Variants in ROBO1 observed in about 807,000 individuals in gnomAD.
ROBO1 encodes roundabout homolog 1.
Under a neutral mutation model 195.9 loss-of-function variants are expected in ROBO1, and 149 were observed. The ratio of observed to expected loss-of-function variants is 0.76; its 90% CI spans 0.67 to 0.87. ROBO1 has a LOEUF of 0.87. Among genes scored for constraint, ROBO1 ranks in the 40% least tolerant of loss-of-function variants. The pLI is 0.00. For missense variants in ROBO1, 1,933 were observed against 2,068.3 expected, an observed-to-expected ratio of 0.93 and a Z score of 1.27; for synonymous variants, 816 against 733.2, an observed-to-expected ratio of 1.11 and a Z score of -1.82.
At chr3:78,727,588 G>A (rs1229723709) in intron 5 of ROBO1, among the ~76,000 whole-genome samples, 1 of 152,176 alleles carries the variant, frequency 6.6e-6, no homozygotes, top group East Asian at 1.9e-4. Flanking sequence ...TCGAACCACT[G>A]TACTCCAGCC....
intron 11 of ROBO1, among the ~76,000 whole-genome samples, chr3:78,669,732 G>A (rs1424201777): frequency 6.6e-6 from 1 of 152,040 alleles, no homozygotes; most frequent in Non-Finnish European, 1.5e-5. Context: ...TAAATATATT[G>A]CACATAAAAT....
chr3:79,466,398 C>T (rs1937960320), intron 2 of ROBO1, among the ~76,000 whole-genome samples: 1 of 152,098 alleles, frequency 6.6e-6, no homozygotes, highest in South Asian at 2.1e-4. Flanking sequence ...ACAAATAGCA[C>T]CTACGAAGCC....
intron 3 of ROBO1, among the ~76,000 whole-genome samples, chr3:78,996,176 G>C (rs2077360380): frequency 6.6e-6 from 1 of 151,586 alleles, no homozygotes; most frequent in Admixed American, 6.6e-5. Flanking sequence ...AAGGCTCTTG[G>C]GTGATGACTT....
At chr3:79,764,963 C>T (rs1704905769) in intron 1 of ROBO1, among the ~76,000 whole-genome samples, 1 of 152,174 alleles carries the variant, frequency 6.6e-6, no homozygotes, top group Non-Finnish European at 1.5e-5. Context: ...ATGCTCAGCT[C>T]AGTGCTATAT....
chr3:79,353,009 A>G (rs1237001174), intron 2 of ROBO1, among the ~76,000 whole-genome samples: 1 of 152,184 alleles, frequency 6.6e-6, no homozygotes, highest in African/African-American at 2.4e-5. Context: ...AATCAATGTT[A>G]ACTCTGAAAA....
chr3:79,193,358 C>A (rs1379381874), intron 2 of ROBO1, among the ~76,000 whole-genome samples: 2 of 151,498 alleles, frequency 1.3e-5, no homozygotes, highest in Non-Finnish European at 3.0e-5. Flanking sequence ...CATATATTAT[C>A]TTATTTAATG....
intron 1 of ROBO1, among the ~76,000 whole-genome samples, chr3:79,685,505 T>C (rs1471308948): frequency 6.6e-6 from 1 of 152,224 alleles, no homozygotes; most frequent in Admixed American, 6.6e-5. Context: ...GTGATGACTT[T>C]GCCTTTGATT....
At chr3:79,218,323 T>A (rs1359663632) in intron 2 of ROBO1, among the ~76,000 whole-genome samples, 1 of 152,002 alleles carries the variant, frequency 6.6e-6, no homozygotes, top group Non-Finnish European at 1.5e-5. Flanking sequence ...ATGGAAGGAA[T>A]TGGCTTTAGG....
chr3:79,530,146 ATATAG>A (rs1212983972), intron 2 of ROBO1, among the ~76,000 whole-genome samples: 1 of 152,208 alleles, frequency 6.6e-6, no homozygotes, highest in African/African-American at 2.4e-5. Context: ...AACAAAAATA[ATATAG>A]TAATCTTCAT....
intron 2 of ROBO1, among the ~76,000 whole-genome samples, chr3:79,439,441 T>G (rs2107110794): frequency 6.6e-6 from 1 of 152,206 alleles, no homozygotes; most frequent in Middle Eastern, 3.4e-3. Context: ...ATAAATGAAT[T>G]TACCAAAACT....
intron 1 of ROBO1, among the ~76,000 whole-genome samples, chr3:79,592,613 A>G (rs527856469): frequency 6.6e-6 from 1 of 151,998 alleles, no homozygotes; most frequent in South Asian, 2.1e-4. Context: ...TTTCTCATTC[A>G]CTTCCTTCCC....
intron 4 of ROBO1, among the ~76,000 whole-genome samples, chr3:78,893,636 A>G (rs2037047594): frequency 6.6e-6 from 1 of 152,228 alleles, no homozygotes; most frequent in African/African-American, 2.4e-5. Context: ...ATTAATCACT[A>G]TAGATTTTAA....
chr3:78,788,850 ATGTAG>A (rs1249640051), intron 4 of ROBO1, among the ~76,000 whole-genome samples: 3 of 152,168 alleles, frequency 2.0e-5, no homozygotes, highest in African/African-American at 4.8e-5. Context: ...GATATCTCTA[ATGTAG>A]TGTAAATTCA....
rs562985970 is a variant in ROBO1 at position 79,199,325 on chromosome 3, C to T, written c.89-73786G>A. Among the ~76,000 whole-genome samples, 22 of 151,872 alleles carry T rather than the reference C, an allele frequency of 1.4e-4. No individual in the cohort carries two copies. In the South Asian group the frequency reaches 3.3e-3, roughly 23 times the overall value. ...TAAAATATTTGTAATGACTAGAAGACTCAAGACATTTCTAAGAAGAGAAAT... is the reference window on the plus strand; with the variant it reads ...TAAAATATTTGTAATGACTAGAAGATTCAAGACATTTCTAAGAAGAGAAAT... On this transcript the variant is annotated intron_variant, in intron 2 of 30. Coordinates refer to ENST00000464233, the MANE Select transcript of ROBO1 (RefSeq NM_002941.4).
At chr3:79,711,711 C>T (rs950533512) in intron 1 of ROBO1, among the ~76,000 whole-genome samples, 24 of 152,160 alleles carry the variant, frequency 1.6e-4, no homozygotes, top group Admixed American at 2.6e-4. Flanking sequence ...CTTTATAGTG[C>T]TTCAGAAATA....
chr3:78,829,895 G>A (rs561296218), intron 4 of ROBO1, among the ~76,000 whole-genome samples: 2 of 152,246 alleles, frequency 1.3e-5, no homozygotes, highest in South Asian at 4.2e-4. Context: ...GTTTAAAACT[G>A]TCCTTTTCTT....
At chr3:78,693,870 G>C (rs11714414) in intron 8 of ROBO1, among the ~76,000 whole-genome samples, 65,243 of 151,980 alleles carry the variant, frequency 0.43, 14,781 homozygotes, top group Middle Eastern at 0.56. Flanking sequence ...TACGCAAATA[G>C]GCATGAGTCA....
At chr3:79,302,775 T>C (rs2033024305) in intron 2 of ROBO1, among the ~76,000 whole-genome samples, 1 of 152,066 alleles carries the variant, frequency 6.6e-6, no homozygotes, top group African/African-American at 2.4e-5. Context: ...AGAGAGTATA[T>C]CAGTCATTAT....
At chr3:79,649,119 G>T (rs1945922791) in intron 1 of ROBO1, among the ~76,000 whole-genome samples, 1 of 151,910 alleles carries the variant, frequency 6.6e-6, no homozygotes, top group South Asian at 2.1e-4. Context: ...GGATCTCTTT[G>T]GGTGTGACTG....
Sources: gnomAD v4.1 joint callset for allele counts (sites outside exome capture counted in the v4.1 genomes callset) on GRCh38, gnomAD v4.1.1 for gene constraint, MANE v1.5 for transcripts, NCBI Gene and HGNC (gene_info 2026-07-23, HGNC 2026-07-21) for gene names.